RNLS: variants seen among roughly 807,000 people sequenced by gnomAD.
RNLS encodes renalase, FAD dependent amine oxidase.
Under a neutral mutation model 39.8 loss-of-function variants are expected in RNLS, and 39 were observed. The observed-to-expected ratio is 0.98, with a 90% CI of 0.76 to 1.28. The LOEUF (loss-of-function observed/expected upper bound fraction) is 1.28. Among genes scored for constraint, RNLS ranks in the 50% most tolerant of loss-of-function variants. The pLI, the probability that RNLS is intolerant of heterozygous loss-of-function variation, is 0.00. For synonymous variants in RNLS, 147 were observed against 150.7 expected (o/e 0.98, Z 0.18); for missense variants, 410 against 413.3 (o/e 0.99, Z 0.07).
the RNLS span, among the ~76,000 whole-genome samples, chr10:88,233,359 A>G: frequency 5.3e-5 from 8 of 152,198 alleles, no homozygotes; most frequent in African/African-American, 7.2e-5. Context: ...CATTCTCCCA[A>G]TTGTTTTTCT....
chr10:88,485,724 G>A (rs921604464), intron 4 of RNLS, among the ~76,000 whole-genome samples: 6 of 150,138 alleles, frequency 4.0e-5, no homozygotes, highest in African/African-American at 1.5e-4. Flanking sequence ...TTCTTTTTCT[G>A]GTATGAGCTC....
chr10:88,541,505 A>G, intron 4 of RNLS, among the ~76,000 whole-genome samples: 1 of 152,174 alleles, frequency 6.6e-6, no homozygotes, highest in East Asian at 1.9e-4. Context: ...TGACACATTC[A>G]ACCCCTTTGG....
chr10:88,351,802 C>A (rs1041686533), intron 5 of RNLS, among the ~76,000 whole-genome samples: 2 of 152,126 alleles, frequency 1.3e-5, no homozygotes, highest in African/African-American at 4.8e-5. Flanking sequence ...GGCAGTATGG[C>A]CATTTTCATG....
intron 5 of RNLS, among the ~76,000 whole-genome samples, chr10:88,319,623 C>A (rs1846024125): frequency 1.3e-5 from 2 of 151,718 alleles, no homozygotes; most frequent in African/African-American, 4.8e-5. Context: ...TGAAAAAATT[C>A]ATGGAAAGAA....
At chr10:88,229,343 T>G in the RNLS span, among the ~76,000 whole-genome samples, 2 of 152,192 alleles carry the variant, frequency 1.3e-5, no homozygotes, top group South Asian at 2.1e-4. Context: ...CTCACAGTAG[T>G]TAGACCCCTC....
At chr10:88,532,825 C>T (rs1847510836) in intron 4 of RNLS, among the ~76,000 whole-genome samples, 1 of 151,948 alleles carries the variant, frequency 6.6e-6, no homozygotes, top group Non-Finnish European at 1.5e-5. Flanking sequence ...GGCAGAGAAC[C>T]ACTCAAATCA....
At chr10:88,286,067 A>T (rs1843245260) in intron 6 of RNLS, among the ~76,000 whole-genome samples, 1 of 152,044 alleles carries the variant, frequency 6.6e-6, no homozygotes, top group Non-Finnish European at 1.5e-5. Context: ...AGACCCCAGA[A>T]CTGCCAGAAA....
At chr10:88,204,914 G>T in the RNLS span, among the ~76,000 whole-genome samples, 2 of 152,150 alleles carry the variant, frequency 1.3e-5, no homozygotes, top group African/African-American at 4.8e-5. Context: ...ACCCTAAAGG[G>T]GTGTTGGGGG....
chr10:88,202,971 G>A, the RNLS span, among the ~76,000 whole-genome samples: 1 of 151,950 alleles, frequency 6.6e-6, no homozygotes, highest in African/African-American at 2.4e-5. Context: ...TGCTCTTGGT[G>A]GAGAGACCTT....
chr10:88,251,262 T>C, the RNLS span, among the ~76,000 whole-genome samples: 1 of 152,192 alleles, frequency 6.6e-6, no homozygotes, highest in Non-Finnish European at 1.5e-5. Flanking sequence ...TTCTAGTACT[T>C]GGGTTTGCCA....
At chr10:88,537,838 A>G (rs1589976834) in intron 4 of RNLS, among the ~76,000 whole-genome samples, 2 of 152,302 alleles carry the variant, frequency 1.3e-5, no homozygotes, top group Middle Eastern at 6.8e-3. Flanking sequence ...ATGTGTACTT[A>G]ATATGGTTGT....
the RNLS span, among the ~76,000 whole-genome samples, chr10:88,206,264 C>T: frequency 6.6e-6 from 1 of 152,188 alleles, no homozygotes; most frequent in Non-Finnish European, 1.5e-5. Flanking sequence ...CTTTTAAAAA[C>T]CATTCCTGTG....
intron 4 of RNLS, among the ~76,000 whole-genome samples, chr10:88,472,484 G>T (rs1344859443): frequency 6.6e-6 from 1 of 152,088 alleles, no homozygotes; most frequent in Non-Finnish European, 1.5e-5. Flanking sequence ...GAAGGGATCT[G>T]CCCAAACAAG....
intron 4 of RNLS, among the ~76,000 whole-genome samples, chr10:88,501,416 A>G (rs1228614888): frequency 6.6e-6 from 1 of 152,174 alleles, no homozygotes; most frequent in Non-Finnish European, 1.5e-5. Flanking sequence ...ACAGCAATGC[A>G]AAGAGTAGTA....
At chr10:88,316,144 C>T (rs1325649707) in intron 5 of RNLS, among the ~76,000 whole-genome samples, 1 of 152,030 alleles carries the variant, frequency 6.6e-6, no homozygotes, top group Non-Finnish European at 1.5e-5. Context: ...GGTGAGGGAC[C>T]TGAATTCAGA....
intron 4 of RNLS, among the ~76,000 whole-genome samples, chr10:88,512,748 C>A (rs185971331): frequency 6.6e-6 from 1 of 152,144 alleles, no homozygotes; most frequent in Non-Finnish European, 1.5e-5. Flanking sequence ...AGGTGCCCAA[C>A]GAGCACTTTA....
chr10:88,577,009 G>C (rs1850249610), intron 3 of RNLS, among the ~76,000 whole-genome samples: 1 of 152,106 alleles, frequency 6.6e-6, no homozygotes, highest in South Asian at 2.1e-4. Context: ...CATCTTTTTT[G>C]AATAATTTAG....
chr10:88,278,221 AT>A (rs943738488), intron 6 of RNLS, among the ~76,000 whole-genome samples: 10 of 150,074 alleles, frequency 6.7e-5, no homozygotes, highest in Admixed American at 2.7e-4. Context: ...ATGCTTGCCA[AT>A]TTTTTTTTTC....
intron 4 of RNLS, among the ~76,000 whole-genome samples, chr10:88,443,801 A>G (rs908274545): frequency 1.8e-4 from 27 of 152,384 alleles, no homozygotes; most frequent in Admixed American, 1.5e-3. Flanking sequence ...CTGAGGCTTG[A>G]GTAGGTAAAC....
Sources: gnomAD v4.1 joint callset for allele counts (sites outside exome capture counted in the v4.1 genomes callset) on GRCh38, gnomAD v4.1.1 for gene constraint, MANE v1.5 for transcripts, NCBI Gene and HGNC (gene_info 2026-07-23, HGNC 2026-07-21) for gene names.